GALNTL6: variants seen among roughly 807,000 people sequenced by gnomAD.
The protein encoded by GALNTL6 is polypeptide N-acetylgalactosaminyltransferase-like 6.
A neutral mutation model predicts 73.7 loss-of-function variants in GALNTL6; 46 were observed. That is an observed-to-expected ratio of 0.62 (90% confidence interval 0.49 to 0.80). GALNTL6 has a LOEUF of 0.80. Among genes scored for constraint, GALNTL6 ranks in the 30% least tolerant of loss-of-function variants. GALNTL6 has a pLI of 0.00. For missense variants in GALNTL6, 604 were observed against 755.0 expected, an observed-to-expected ratio of 0.80 and a Z score of 2.34; for synonymous variants, 259 against 263.7, an observed-to-expected ratio of 0.98 and a Z score of 0.17.
At chr4:172,290,373 C>T (rs1739422437) in intron 3 of GALNTL6, among the ~76,000 whole-genome samples, 1 of 152,118 alleles carries the variant, frequency 6.6e-6, no homozygotes, top group Non-Finnish European at 1.5e-5. Context: ...GTGGCTAGTT[C>T]TGTAAAGAAC....
In GALNTL6 at chr4:171,814,530, A is replaced by C. The variant is rs755093560; in HGVS notation, c.-51A>C. On this transcript the variant is annotated 5_prime_UTR_variant, in exon 2 of 13. Coordinates refer to ENST00000506823, the MANE Select transcript of GALNTL6 (RefSeq NM_001034845.3). ...AAGGAATTTGACATTAAACACAAGA[A>C]GCAGTCAGGGAGCCATCTCCTTTAA... 6.3e-7 allele frequency: 1 copy of C among 1,597,662 alleles called. No individual in the cohort carries two copies. The highest frequency in any genetic ancestry group is 1.7e-5 in the Admixed American group (1 of 58,074).
intron 2 of GALNTL6, among the ~76,000 whole-genome samples, chr4:172,032,178 T>C (rs1168171371): frequency 1.3e-5 from 2 of 152,132 alleles, no homozygotes; most frequent in African/African-American, 4.8e-5. Context: ...TTTCATACAA[T>C]CTTATCCATT....
chr4:172,369,601 C>G lies in GALNTL6; in HGVS notation c.553+20912C>G, dbSNP rs548223426. Among the ~76,000 whole-genome samples the G allele has an allele frequency of 2.0e-5, 3 of 152,306 alleles. No homozygotes were observed. In the South Asian group the frequency reaches 6.2e-4, roughly 32 times the overall value. ...GCTTGGGCATGGCGGGCTGCAGGTC[C>G]CGAGCCCTGCCCCATGGGAAGGCGG... On this transcript the variant is annotated intron_variant, in intron 5 of 12. Transcript: ENST00000506823.
chr4:172,772,553 G>A (rs1365266321), intron 5 of GALNTL6, among the ~76,000 whole-genome samples: 1 of 147,964 alleles, frequency 6.8e-6, no homozygotes, highest in Non-Finnish European at 1.5e-5. Flanking sequence ...AGAAATTTAG[G>A]GAAGTATTGT....
At chr4:172,842,118 TG>T (rs1475512588) in intron 7 of GALNTL6, among the ~76,000 whole-genome samples, 1 of 152,240 alleles carries the variant, frequency 6.6e-6, no homozygotes, top group Non-Finnish European at 1.5e-5. Context: ...GTAGCAGAGA[TG>T]TTCTCAAATC....
chr4:171,814,149 A>G (rs1734458569), intron 1 of GALNTL6, among the ~76,000 whole-genome samples, 159 bp downstream of exon 1: 1 of 152,104 alleles, frequency 6.6e-6, no homozygotes, highest in African/African-American at 2.4e-5. Context: ...ACCCCGACCC[A>G]GCCCTCCCAC....
intron 4 of GALNTL6, among the ~76,000 whole-genome samples, chr4:172,341,302 T>A (rs1262803411): frequency 2.0e-5 from 3 of 150,346 alleles, no homozygotes; most frequent in African/African-American, 7.4e-5. Flanking sequence ...ATACAAAAAA[T>A]TAGCCGGGCG....
At chr4:171,892,844 G>A (rs1024298287) in intron 2 of GALNTL6, among the ~76,000 whole-genome samples, 3 of 152,134 alleles carry the variant, frequency 2.0e-5, no homozygotes, top group African/African-American at 4.8e-5. Flanking sequence ...TTTCAGGCAT[G>A]AGCCCCCATG....
chr4:172,731,904 A>C (rs1455336236), intron 5 of GALNTL6, among the ~76,000 whole-genome samples: 1 of 152,180 alleles, frequency 6.6e-6, no homozygotes, highest in Non-Finnish European at 1.5e-5. Flanking sequence ...CAGAGAAAAT[A>C]CTTGATATTA....
intron 5 of GALNTL6, among the ~76,000 whole-genome samples, chr4:172,607,284 C>T (rs901720945): frequency 1.3e-5 from 2 of 152,150 alleles, no homozygotes; most frequent in African/African-American, 2.4e-5. Flanking sequence ...TTCCAATCCT[C>T]ACCTTCCTCC....
chr4:172,378,047 T>C (rs1456963653), intron 5 of GALNTL6, among the ~76,000 whole-genome samples: 1 of 152,106 alleles, frequency 6.6e-6, no homozygotes, highest in African/African-American at 2.4e-5. Flanking sequence ...CTGAGGCCGC[T>C]AAGCAGGCAC....
chr4:171,960,792 G>A (rs1038095466), intron 2 of GALNTL6, among the ~76,000 whole-genome samples: 1 of 151,124 alleles, frequency 6.6e-6, no homozygotes, highest in African/African-American at 2.4e-5. Flanking sequence ...GTGACAATCT[G>A]GTGTTGAACT....
chr4:172,462,624 A>G (rs1579094325), intron 5 of GALNTL6, among the ~76,000 whole-genome samples: 1 of 152,292 alleles, frequency 6.6e-6, no homozygotes, highest in South Asian at 2.1e-4. Context: ...AAAACAACAT[A>G]ATATTTAATA....
In GALNTL6 at chr4:172,879,466, C is replaced by T. The variant is rs150226307; in HGVS notation, c.924-3324C>T. On this transcript the variant is annotated intron_variant, in intron 7 of 12. Coordinates refer to ENST00000506823, the MANE Select transcript of GALNTL6 (RefSeq NM_001034845.3). ...TGGAATTAAATTGGAAATTAATAACCGAAGGATCTCCAAAAAATTCCCCAA... is the reference window on the plus strand; with the variant it reads ...TGGAATTAAATTGGAAATTAATAACTGAAGGATCTCCAAAAAATTCCCCAA... Among the ~76,000 whole-genome samples the T allele has an allele frequency of 4.8e-3, 731 of 151,514 alleles. 7 individuals are homozygous for T. Among genetic ancestry groups the T allele is most frequent in the African/African-American group, 0.015 (606 of 41,374 alleles).
intron 2 of GALNTL6, among the ~76,000 whole-genome samples, chr4:171,933,942 T>A (rs574396053): frequency 6.6e-6 from 1 of 152,230 alleles, no homozygotes; most frequent in South Asian, 2.1e-4. Flanking sequence ...GTTTTTTCTC[T>A]TTTCAATGTA....
intron 2 of GALNTL6, among the ~76,000 whole-genome samples, chr4:171,818,838 T>C (rs1402386566): frequency 6.6e-6 from 1 of 152,174 alleles, no homozygotes; most frequent in East Asian, 1.9e-4. Flanking sequence ...TACCTTAGCA[T>C]CTTTGTCTAA....
At chr4:172,678,537 G>C (rs539701474) in intron 5 of GALNTL6, among the ~76,000 whole-genome samples, 1 of 152,262 alleles carries the variant, frequency 6.6e-6, no homozygotes, top group South Asian at 2.1e-4. Context: ...TAGAGACAGG[G>C]TTTCTCCATG....
intron 2 of GALNTL6, among the ~76,000 whole-genome samples, chr4:172,126,411 G>A (rs1160976406): frequency 1.3e-5 from 2 of 152,126 alleles, no homozygotes; most frequent in Non-Finnish European, 2.9e-5. Context: ...AACCAAAATA[G>A]CAAACAGGTA....
intron 5 of GALNTL6, among the ~76,000 whole-genome samples, chr4:172,388,660 C>T (rs1743556631): frequency 6.6e-6 from 1 of 151,996 alleles, no homozygotes; most frequent in Non-Finnish European, 1.5e-5. Flanking sequence ...ATCCACTCCC[C>T]ATAAGAGTAA....
Sources: gnomAD v4.1 joint callset for allele counts (sites outside exome capture counted in the v4.1 genomes callset) on GRCh38, gnomAD v4.1.1 for gene constraint, MANE v1.5 for transcripts, NCBI Gene and HGNC (gene_info 2026-07-23, HGNC 2026-07-21) for gene names.